Variants in SOX13 observed in about 807,000 individuals in gnomAD.
SOX13 encodes transcription factor SOX-13.
Under a neutral mutation model 71.8 loss-of-function variants are expected in SOX13, and 28 were observed. The ratio of observed to expected loss-of-function variants is 0.39; its 90% CI spans 0.29 to 0.53. The LOEUF is 0.53. SOX13 is among the 20% of genes least tolerant of loss of function. The pLI is 0.70. For synonymous variants in SOX13, 309 were observed against 317.8 expected, an observed-to-expected ratio of 0.97 and a Z score of 0.29; for missense variants, 627 against 810.3, an observed-to-expected ratio of 0.77 and a Z score of 2.75.
rs570644408 is a variant in SOX13, at chr1:204,085,792, G to A, written c.-2+12081G>A. ...GATCAAGACCATCCTGGCTAACACG[G>A]TGAAACCCCGTCTGTACTAAAAAAA... On this transcript the variant is annotated intron_variant, in intron 1 of 13. Transcript: ENST00000367204. Among the ~76,000 whole-genome samples, 8 of 151,916 alleles carry A rather than the reference G, an allele frequency of 5.3e-5. No homozygotes were observed. The East Asian group carries it at 1.6e-3, about 30-fold the overall frequency.
At chr1:204,080,964 T>C (rs1380426007) in intron 1 of SOX13, among the ~76,000 whole-genome samples, 1 of 150,438 alleles carries the variant, frequency 6.6e-6, no homozygotes, top group Non-Finnish European at 1.5e-5. Context: ...GGCTGGAGTA[T>C]GCAATGGTGC....
intron 1 of SOX13, among the ~76,000 whole-genome samples, chr1:204,102,414 G>A (rs1189529979): frequency 2.0e-5 from 3 of 152,176 alleles, no homozygotes; most frequent in Admixed American, 2.0e-4. Flanking sequence ...CAGAGCTTTT[G>A]TGTCATCAGC....
chr1:204,107,105 A>C (rs1343793234), intron 1 of SOX13, among the ~76,000 whole-genome samples: 1 of 152,230 alleles, frequency 6.6e-6, no homozygotes, highest in Non-Finnish European at 1.5e-5. Flanking sequence ...CTTGACTCTC[A>C]GAGCATCCTG....
intron 1 of SOX13, among the ~76,000 whole-genome samples, chr1:204,094,310 C>T (rs919618615): frequency 6.6e-6 from 1 of 152,188 alleles, no homozygotes; most frequent in African/African-American, 2.4e-5. Flanking sequence ...CCACCGCACA[C>T]GCAGACCTCT....
chr1:204,099,114 C>G lies in SOX13; in HGVS notation c.-1-13801C>G, dbSNP rs1239775546. Among the ~76,000 whole-genome samples, 2 of 152,250 alleles carry G rather than the reference C, an allele frequency of 1.3e-5. 1 individual carries two copies. The highest frequency in any genetic ancestry group is 4.2e-4 in the South Asian group (2 of 4,818). ...AGATAAACTTCCATGGCTCTTGGGA[C>G]CTCTGACTAGTAGAAGAGAAGCCAG... On this transcript the variant is annotated intron_variant, in intron 1 of 13. Transcript: ENST00000367204.
chr1:204,079,124 C>G (rs1358480574), intron 1 of SOX13, among the ~76,000 whole-genome samples: 1 of 152,004 alleles, frequency 6.6e-6, no homozygotes, highest in Non-Finnish European at 1.5e-5. Flanking sequence ...CGGTGAAACC[C>G]TGTCTCTACT....
In SOX13 at chr1:204,081,935, C is replaced by G. The variant is rs1040235421; in HGVS notation, c.-2+8224C>G. On this transcript the variant is annotated intron_variant, in intron 1 of 13. Transcript: ENST00000367204. The surrounding 1 kb of genome is among the most constrained non-coding windows in gnomAD (Gnocchi z 4.3). ...GTGGAAGGAAGCCTGTGTGCAGGTA[C>G]AGCCGTGGCTCAGAGGCAGGTGGGG... Among the ~76,000 whole-genome samples, 4 of 152,048 alleles carry G rather than the reference C, an allele frequency of 2.6e-5. No homozygotes were observed. The highest frequency in any genetic ancestry group is 9.7e-5 in the African/African-American group (4 of 41,386).
Position 204,122,884 on chromosome 1 carries a change from A to C in SOX13, c.1055A>C (p.Lys352Thr). ...CTTGGTGAAGGGGACGCTGTCACCA[A>C]AGCCATCCAGGATGCTCGGCAGCTG... Reference protein sequence around the residue: ...GFLGEGDAVTKAIQDARQLLH... With the variant: ...GFLGEGDAVTTAIQDARQLLH... The change falls in exon 10 of 14, where the codon AAA becomes ACA. Residue 352 changes from lysine (K) to threonine (T), a missense_variant. By Grantham distance (78) the Lys-to-Thr change is moderately conservative (BLOSUM62 -1). Coordinates refer to ENST00000367204, the MANE Select transcript of SOX13 (RefSeq NM_005686.3). 6.3e-7 allele frequency: 1 copy of C among 1,575,094 alleles called. No homozygotes were observed.
chr1:204,081,333 A>C lies in SOX13; in HGVS notation c.-2+7622A>C, dbSNP rs1655902824. On this transcript the variant is annotated intron_variant, in intron 1 of 13. Coordinates refer to ENST00000367204, the MANE Select transcript of SOX13 (RefSeq NM_005686.3). This position sits in a 1 kb window ranked among gnomAD's most constrained non-coding sequence, Gnocchi z 4.3. ...CATCAGGATGAAAAGGATTTAAAAT[A>C]AATCTAATATTTCCAGATAGTGAAA... Among the ~76,000 whole-genome samples, 1 of 152,254 alleles carries C rather than the reference A, an allele frequency of 6.6e-6. No individual in the cohort carries two copies. Among genetic ancestry groups the C allele is most frequent in the Non-Finnish European group, 1.5e-5 (1 of 68,048 alleles).
chr1:204,109,824 TATTATCATTATTA>T (rs1196682859), intron 1 of SOX13, among the ~76,000 whole-genome samples: 1 of 152,108 alleles, frequency 6.6e-6, no homozygotes. Context: ...TTGTTATTAT[TATTATCATTATTA>T]TTATTTTTTT....
intron 7 of SOX13, 58 bp from the exon 8 acceptor site, chr1:204,121,842 A>G (rs1279924014): frequency 2.5e-6 from 3 of 1,213,862 alleles, no homozygotes; most frequent in Non-Finnish European, 3.6e-6. Flanking sequence ...CTCGTCAAGC[A>G]GGGTGTCTGC....
rs369199746 is a variant in SOX13 at position 204,122,385 on chromosome 1, C to T, written c.1010C>T (p.Pro337Leu). Residue 337 changes from proline (P) to leucine (L), a missense_variant, in exon 9 of 14, where the codon CCG (proline) becomes CTG (leucine). Physicochemically the swap from Pro to Leu is moderately conservative, Grantham distance 98 (BLOSUM62 -3). This residue lies in a region of SOX13 where 447 missense variants were observed against 532.2 expected (regional missense o/e 0.84). Coordinates refer to ENST00000367204, the MANE Select transcript of SOX13 (RefSeq NM_005686.3). ...GPTRDLQSSPPSLPLGFLGEG... is the reference protein window; with the variant it reads ...GPTRDLQSSPLSLPLGFLGEG... The stretch of plus-strand genomic sequence containing the variant: ...ACGCGGGACCTGCAGTCCAGCCCCC[C>T]GAGCCTGCCTCTGGGTAAGCCTCCT... 89 of 1,563,530 alleles carry T rather than the reference C, an allele frequency of 5.7e-5. No homozygotes were observed. Among genetic ancestry groups the T allele is most frequent in the Non-Finnish European group, 7.2e-5 (83 of 1,154,520 alleles).
intron 13 of SOX13, 45 bp from the exon 14 acceptor site, chr1:204,125,813 G>C (rs1160017219): frequency 2.5e-6 from 4 of 1,578,808 alleles, no homozygotes; most frequent in Admixed American, 1.7e-5. Flanking sequence ...GTTTGGGGTT[G>C]AATCAAGTGT....
chr1:204,076,622 GGAA>G (rs1655790774), intron 1 of SOX13, among the ~76,000 whole-genome samples: 1 of 152,186 alleles, frequency 6.6e-6, no homozygotes, highest in Non-Finnish European at 1.5e-5. Flanking sequence ...GCAACCAGGA[GGAA>G]GAACAGGGTG....
At chr1:204,114,783 C>G (rs527945810) in intron 4 of SOX13, among the ~76,000 whole-genome samples, 178 bp downstream of exon 4, 1 of 152,290 alleles carries the variant, frequency 6.6e-6, no homozygotes, top group African/African-American at 2.4e-5. Context: ...AGCATTAGGT[C>G]TCACTCATCC....
chr1:204,109,059 T>A (rs1558217662), intron 1 of SOX13, among the ~76,000 whole-genome samples: 2 of 152,178 alleles, frequency 1.3e-5, no homozygotes, highest in Non-Finnish European at 2.9e-5. Context: ...GGTGCCCGGA[T>A]GGGCTGAGCC....
chr1:204,115,385 C>T (rs1205377432), intron 4 of SOX13, among the ~76,000 whole-genome samples: 3 of 150,932 alleles, frequency 2.0e-5, no homozygotes, highest in Non-Finnish European at 4.4e-5. Flanking sequence ...TGCCCAGGCT[C>T]CACCCCCACC....
intron 1 of SOX13, among the ~76,000 whole-genome samples, chr1:204,111,486 A>T (rs909121169): frequency 6.6e-6 from 1 of 152,158 alleles, no homozygotes; most frequent in African/African-American, 2.4e-5. Context: ...ACTCCCTGAG[A>T]TGCTGCGATT....
At chr1:204,116,023 C>A in intron 4 of SOX13, 1 of 435,066 alleles carries the variant, frequency 2.3e-6, no homozygotes, top group Non-Finnish European at 3.8e-6. Context: ...ATTATGCCCA[C>A]TTACCAAGAT....
Sources: gnomAD v4.1 joint callset for allele counts (sites outside exome capture counted in the v4.1 genomes callset) on GRCh38, gnomAD v4.1.1 for gene constraint, gnomAD v4.1.1 regional missense constraint, Gnocchi (gnomAD v3.1) non-coding constraint, MANE v1.5 for transcripts, NCBI Gene and HGNC (gene_info 2026-07-23, HGNC 2026-07-21) for gene names.